SEC62: variants seen among roughly 807,000 people sequenced by gnomAD.
The protein encoded by SEC62 is SEC62 preprotein translocation factor, also known as translocation protein SEC62.
SEC62 carries 10 observed loss-of-function variants against 47.5 expected under a neutral mutation model. That is an observed-to-expected ratio of 0.21 (90% CI 0.13 to 0.36). The LOEUF is 0.36. Ranked by LOEUF, SEC62 falls within the 10% of genes least tolerant of loss-of-function variation. The pLI is 1.00. For missense variants in SEC62, 327 were observed against 464.1 expected (o/e 0.70, Z 2.71); for synonymous variants, 136 against 150.5 (o/e 0.90, Z 0.71).
intron 1 of SEC62, among the ~76,000 whole-genome samples, chr3:169,967,881 CT>C (rs11422239): frequency 2.0e-3 from 297 of 147,142 alleles, no homozygotes; most frequent in African/African-American, 4.4e-3. Context: ...TTTATCCCTT[CT>C]TTTTTTTTTT....
At chr3:169,987,574 G>A (rs1454823289) in intron 6 of SEC62, among the ~76,000 whole-genome samples, 3 of 152,324 alleles carry the variant, frequency 2.0e-5, no homozygotes, top group Middle Eastern at 3.4e-3. Context: ...AAAGAGTTAA[G>A]TAACTTGCCC....
At chr3:169,972,938 A>G (rs138897909) in intron 1 of SEC62, among the ~76,000 whole-genome samples, 132 of 152,262 alleles carry the variant, frequency 8.7e-4, no homozygotes, top group Middle Eastern at 3.4e-3. Context: ...TTTTTAATCA[A>G]GCACCTCCCA....
At chr3:169,967,995 A>C (rs1000451966) in intron 1 of SEC62, among the ~76,000 whole-genome samples, 1 of 152,176 alleles carries the variant, frequency 6.6e-6, no homozygotes, top group Non-Finnish European at 1.5e-5. Flanking sequence ...ACACATGATC[A>C]GTAAATTTGG....
chr3:169,971,825 A>G (rs1408919804), intron 1 of SEC62, among the ~76,000 whole-genome samples: 1 of 152,220 alleles, frequency 6.6e-6, no homozygotes, highest in Non-Finnish European at 1.5e-5. Context: ...GTATTCAGGA[A>G]TGGTATAACT....
rs1715270709 is a variant in SEC62, at chr3:169,992,518, C to T, written c.731-76C>T. Reference sequence around the variant, plus strand: ...TGTGCAGATAATAAAACTGTTTTCCCAGCTTTTTATTAACAAATACTCCCT... The same window carrying T: ...TGTGCAGATAATAAAACTGTTTTCCTAGCTTTTTATTAACAAATACTCCCT... On this transcript the variant is annotated intron_variant, in intron 7 of 7. Coordinates refer to ENST00000337002, the MANE Select transcript of SEC62 (RefSeq NM_003262.4). The surrounding 1 kb of genome is among the most constrained non-coding windows in gnomAD (Gnocchi z 4.0). 1 of 1,010,680 alleles carries T rather than the reference C, an allele frequency of 9.9e-7. No individual in the cohort carries two copies. Among genetic ancestry groups the T allele is most frequent in the Non-Finnish European group, 1.5e-6 (1 of 675,702 alleles). The allele number at this position is 1,010,680 out of a possible 1,614,324, so 62.6% of individuals were successfully genotyped here.
chr3:169,973,554 T>G (rs571157075), intron 1 of SEC62, among the ~76,000 whole-genome samples: 1 of 151,432 alleles, frequency 6.6e-6, no homozygotes, highest in Admixed American at 6.6e-5. Flanking sequence ...TCCCAGCTAC[T>G]CGGGAGGCTG....
chr3:169,990,751 C>T (rs1219089897), intron 7 of SEC62, among the ~76,000 whole-genome samples: 1 of 152,058 alleles, frequency 6.6e-6, no homozygotes, highest in Non-Finnish European at 1.5e-5. Flanking sequence ...TCCGTTTATA[C>T]CACGAAAGAT....
intron 2 of SEC62, among the ~76,000 whole-genome samples, 198 bp downstream of exon 2, chr3:169,975,914 A>G (rs1380410112): frequency 6.6e-6 from 1 of 152,234 alleles, no homozygotes; most frequent in Admixed American, 6.5e-5. Flanking sequence ...TCTAATAACA[A>G]TTGTTGGAAA....
At position 169,994,030 on chromosome 3, in the gene SEC62, G is replaced by A. The variant is rs568715500; in HGVS notation, c.*967G>A. 3.5e-4 allele frequency: 54 copies of A among 152,652 alleles called. No homozygotes were observed. Among genetic ancestry groups the A allele is most frequent in the African/African-American group, 1.2e-3 (51 of 41,558 alleles). 9.5% of individuals were successfully genotyped at this position (152,652 alleles called of 1,614,324 possible). On this transcript the variant is annotated 3_prime_UTR_variant, in exon 8 of 8. Coordinates refer to ENST00000337002, the MANE Select transcript of SEC62 (RefSeq NM_003262.4). Reference sequence around the variant, plus strand: ...TTAAGAGCAGACTTAAAGTAGCTTTGTACGCCTTAATGTTCATTTTGATTT... The same window carrying A: ...TTAAGAGCAGACTTAAAGTAGCTTTATACGCCTTAATGTTCATTTTGATTT...
At chr3:169,984,256 C>T (rs1284533380) in intron 5 of SEC62, among the ~76,000 whole-genome samples, 1 of 152,064 alleles carries the variant, frequency 6.6e-6, no homozygotes, top group Non-Finnish European at 1.5e-5. Flanking sequence ...GATGTGAACC[C>T]CTTGTTGAGA....
Position 169,992,528 on chromosome 3 carries a change from T to A in SEC62, c.731-66T>A, listed in dbSNP as rs1367783187. 1.9e-5 allele frequency: 21 copies of A among 1,091,788 alleles called. No homozygotes were observed. Among genetic ancestry groups the A allele is most frequent in the Non-Finnish European group, 2.8e-5 (21 of 743,784 alleles). 67.6% of individuals were successfully genotyped at this position (1,091,788 alleles called of 1,614,324 possible). A position where few individuals can be genotyped will look rare whatever the true frequency, so the allele number is the denominator to read the frequency against. ...ATAAAACTGTTTTCCCAGCTTTTTA[T>A]TAACAAATACTCCCTTCTGAGGCAG... On this transcript the variant is annotated intron_variant, in intron 7 of 7. Coordinates refer to ENST00000337002, the MANE Select transcript of SEC62 (RefSeq NM_003262.4). This position sits in a 1 kb window ranked among gnomAD's most constrained non-coding sequence, Gnocchi z 4.0.
At chr3:169,988,848 T>G (rs1576864208) in intron 7 of SEC62, among the ~76,000 whole-genome samples, 1 of 152,164 alleles carries the variant, frequency 6.6e-6, no homozygotes, top group South Asian at 2.1e-4. Context: ...TGGTAGATCA[T>G]TTATTAGACA....
At chr3:169,968,038 C>T (rs1714597461) in intron 1 of SEC62, among the ~76,000 whole-genome samples, 1 of 152,030 alleles carries the variant, frequency 6.6e-6, no homozygotes, top group Non-Finnish European at 1.5e-5. Flanking sequence ...AAAGTAGTTC[C>T]GAACAGGGTG....
At position 169,998,142 on chromosome 3, in the gene SEC62, C is replaced by G. The variant is rs1715431282; in HGVS notation, c.*5079C>G. The G allele has an allele frequency of 6.6e-6, 1 of 152,184 alleles. No homozygotes were observed. The highest frequency in any genetic ancestry group is 2.1e-4 in the South Asian group (1 of 4,834). 9.4% of individuals were successfully genotyped at this position (152,184 alleles called of 1,614,324 possible). A position where few individuals can be genotyped will look rare whatever the true frequency, so the allele number is the denominator to read the frequency against. On this transcript the variant is annotated 3_prime_UTR_variant, in exon 8 of 8. Transcript: ENST00000337002. ...TCTTCTGAATTCTATCCGTGAATCCCTTAGAGGTCTGTGAATTGTAGGTTA... is the reference window on the plus strand; with the variant it reads ...TCTTCTGAATTCTATCCGTGAATCCGTTAGAGGTCTGTGAATTGTAGGTTA...
chr3:169,979,531 T>C (rs1309460400), intron 3 of SEC62, among the ~76,000 whole-genome samples: 1 of 152,232 alleles, frequency 6.6e-6, no homozygotes, highest in Non-Finnish European at 1.5e-5. Context: ...AATCCAGTTA[T>C]GTCGTCCTCA....
intron 1 of SEC62, among the ~76,000 whole-genome samples, chr3:169,968,201 A>AT (rs1255654345): frequency 6.6e-6 from 1 of 152,214 alleles, no homozygotes; most frequent in Non-Finnish European, 1.5e-5. Context: ...TAGATTGTAT[A>AT]TTGAAATTGT....
At chr3:169,969,217 GT>G (rs1353573080) in intron 1 of SEC62, 5 of 438,468 alleles carry the variant, frequency 1.1e-5, no homozygotes, top group Non-Finnish European at 2.3e-5. Context: ...GGGGAGAAAT[GT>G]TTGATACAAA....
At chr3:169,979,473 CAT>C (rs1714920788) in intron 3 of SEC62, among the ~76,000 whole-genome samples, 1 of 152,190 alleles carries the variant, frequency 6.6e-6, no homozygotes, top group South Asian at 2.1e-4. Flanking sequence ...TGAATGAACT[CAT>C]ACATACTAGG....
Position 169,969,298 on chromosome 3 carries a change from A to G in SEC62, c.36+2440A>G, listed in dbSNP as rs1291062417. 8.8e-6 allele frequency: 4 copies of G among 456,474 alleles called. No individual in the cohort carries two copies. The Admixed American group carries it at 9.4e-5, about 11-fold the overall frequency. 28.3% of individuals were successfully genotyped at this position (456,474 alleles called of 1,614,324 possible). ...TCTTTGTAATTCAGTATAATTTCAGATTCTCGTGTCCCATCGAAGTTTCTA... is the reference window on the plus strand; with the variant it reads ...TCTTTGTAATTCAGTATAATTTCAGGTTCTCGTGTCCCATCGAAGTTTCTA... On this transcript the variant is annotated intron_variant, in intron 1 of 7. Coordinates refer to ENST00000337002, the MANE Select transcript of SEC62 (RefSeq NM_003262.4).
Sources: allele counts gnomAD v4.1 joint callset (sites outside exome capture counted in the v4.1 genomes callset), GRCh38; gene constraint gnomAD v4.1.1; non-coding constraint Gnocchi (gnomAD v3.1); transcripts MANE v1.5; gene names NCBI Gene and HGNC (gene_info 2026-07-23, HGNC 2026-07-21).